FUT8: variants seen among roughly 807,000 people sequenced by gnomAD.
The protein encoded by FUT8 is alpha-(1,6)-fucosyltransferase.
A neutral mutation model predicts 71.3 loss-of-function variants in FUT8; 29 were observed. That is an observed-to-expected ratio of 0.41 (90% CI 0.30 to 0.55). The LOEUF (loss-of-function observed/expected upper bound fraction) is 0.55. Ranked by LOEUF, FUT8 falls within the 20% of genes least tolerant of loss-of-function variation. The probability of loss-of-function intolerance (pLI) is 0.34; values close to 1 mark genes in which losing one functional copy is unlikely to be tolerated. For synonymous variants in FUT8, 254 were observed against 239.3 expected, an observed-to-expected ratio of 1.06 and a Z score of -0.57; for missense variants, 544 against 702.1, an observed-to-expected ratio of 0.77 and a Z score of 2.55.
At chr14:65,457,159 C>T (rs1375449848) in intron 2 of FUT8, among the ~76,000 whole-genome samples, 1 of 152,140 alleles carries the variant, frequency 6.6e-6, no homozygotes, top group Non-Finnish European at 1.5e-5. Flanking sequence ...ACCCATTAGT[C>T]AACCTTTCTT....
In FUT8 at chr14:65,550,360, T is replaced by C. The variant is rs930711082; in HGVS notation, c.-227-10977T>C. 2.0e-5 allele frequency among the ~76,000 whole-genome samples: 3 copies of C among 152,212 alleles called. No homozygotes were observed. Among genetic ancestry groups the C allele is most frequent in the African/African-American group, 7.2e-5 (3 of 41,456 alleles). On this transcript the variant is annotated intron_variant, in intron 2 of 10. Coordinates refer to ENST00000673929, the MANE Select transcript of FUT8 (RefSeq NM_001371533.1). This position sits in a 1 kb window ranked among gnomAD's most constrained non-coding sequence, Gnocchi z 4.5. ...CTAATCTGAACATCATAGCTTAGCC[T>C]ACCTTAAATGTGCCCAGAACACTTA...
chr14:65,655,980 A>G (rs576571217), intron 6 of FUT8, among the ~76,000 whole-genome samples: 41 of 147,492 alleles, frequency 2.8e-4, no homozygotes, highest in Non-Finnish European at 4.2e-4. Context: ...AAAGCCATAT[A>G]CAACAGACCC....
At chr14:65,535,135 T>C (rs1211958517) in intron 2 of FUT8, among the ~76,000 whole-genome samples, 2 of 152,056 alleles carry the variant, frequency 1.3e-5, no homozygotes, top group Admixed American at 1.3e-4. Flanking sequence ...AGTCTCGCTC[T>C]GTTGCCCAGG....
intron 1 of FUT8, among the ~76,000 whole-genome samples, chr14:65,439,093 A>G (rs904021735): frequency 6.6e-6 from 1 of 152,188 alleles, no homozygotes; most frequent in Non-Finnish European, 1.5e-5. Context: ...TGTCTAGATC[A>G]CTAACAGACC....
chr14:65,371,910 G>GTATATA, the FUT8 span, among the ~76,000 whole-genome samples: 30 of 151,690 alleles, frequency 2.0e-4, no homozygotes, highest in Admixed American at 3.3e-4. Context: ...AGGAATGTAT[G>GTATATA]TATATATATA....
chr14:65,595,341 T>G (rs1454770040), intron 3 of FUT8, among the ~76,000 whole-genome samples: 2 of 152,202 alleles, frequency 1.3e-5, no homozygotes, highest in African/African-American at 4.8e-5. Context: ...TATTTGACTA[T>G]TTTAATATGA....
intron 6 of FUT8, among the ~76,000 whole-genome samples, chr14:65,639,521 C>G (rs1890729258): frequency 6.6e-6 from 1 of 151,852 alleles, no homozygotes; most frequent in African/African-American, 2.4e-5. Flanking sequence ...CACACACACA[C>G]ACACACACAC....
At chr14:65,425,228 C>T (rs555590696) in intron 1 of FUT8, among the ~76,000 whole-genome samples, 80 of 151,208 alleles carry the variant, frequency 5.3e-4, no homozygotes, top group African/African-American at 1.8e-3. Flanking sequence ...TGCAATGGCA[C>T]GAACTCGGCT....
the FUT8 span, among the ~76,000 whole-genome samples, chr14:65,388,483 C>T: frequency 3.3e-5 from 5 of 152,106 alleles, no homozygotes; most frequent in Non-Finnish European, 7.3e-5. Flanking sequence ...CAATATCGGC[C>T]GGGCATGGTG....
intron 3 of FUT8, among the ~76,000 whole-genome samples, chr14:65,576,306 C>G (rs1022416092): frequency 1.3e-5 from 2 of 152,138 alleles, no homozygotes; most frequent in Non-Finnish European, 2.9e-5. Flanking sequence ...AGCCACAAAA[C>G]CTACATAGTT....
At chr14:65,626,794 T>C (rs1889916083) in intron 5 of FUT8, among the ~76,000 whole-genome samples, 1 of 152,234 alleles carries the variant, frequency 6.6e-6, no homozygotes, top group Non-Finnish European at 1.5e-5. Flanking sequence ...GTAAGTGATT[T>C]CTAGATGTGT....
chr14:65,717,939 T>C (rs1023936690), intron 7 of FUT8, among the ~76,000 whole-genome samples: 2 of 152,244 alleles, frequency 1.3e-5, no homozygotes, highest in Admixed American at 6.5e-5. Context: ...CCCTTTATTT[T>C]TAGTCTGTGT....
intron 6 of FUT8, among the ~76,000 whole-genome samples, chr14:65,659,009 A>G (rs1438488879): frequency 1.3e-5 from 2 of 152,118 alleles, no homozygotes; most frequent in Admixed American, 6.5e-5. Flanking sequence ...GTACGCTGTA[A>G]GTATAGTAAC....
chr14:65,640,296 A>G (rs1190704103), intron 6 of FUT8, among the ~76,000 whole-genome samples: 1 of 152,062 alleles, frequency 6.6e-6, no homozygotes, highest in African/African-American at 2.4e-5. Context: ...GTGAAAAAGC[A>G]GATGGTAAAT....
At position 65,472,877 on chromosome 14, in the gene FUT8, G is replaced by A. The variant is rs1299190746; in HGVS notation, c.-228+17159G>A. On this transcript the variant is annotated intron_variant, in intron 2 of 10. Transcript: ENST00000673929. This position sits in a 1 kb window ranked among gnomAD's most constrained non-coding sequence, Gnocchi z 4.4. ...CTCAAATATCTTAGTAGAAATTGAA[G>A]TAGAAAAAGACATTGTTGTAAATTA... is the stretch of plus-strand genomic sequence containing the variant. 6.6e-6 allele frequency among the ~76,000 whole-genome samples: 1 copy of A among 152,088 alleles called. No individual in the cohort carries two copies. Among genetic ancestry groups the A allele is most frequent in the Non-Finnish European group, 1.5e-5 (1 of 68,012 alleles).
intron 6 of FUT8, among the ~76,000 whole-genome samples, chr14:65,637,063 G>A (rs28375638): frequency 0.01 from 1,581 of 152,150 alleles, 28 homozygotes; most frequent in African/African-American, 0.037. Context: ...ATATAATATT[G>A]GGTTGTATTA....
the FUT8 span, among the ~76,000 whole-genome samples, chr14:65,361,260 GCAAGAGCATTGCTTGAAC>G: frequency 2.0e-5 from 3 of 150,528 alleles, no homozygotes; most frequent in Admixed American, 6.6e-5. Flanking sequence ...GGAGTCTGAG[GCAAGAGCATTGCTTGAAC>G]CTGGGAGGCG....
At chr14:65,657,235 A>G (rs1483851466) in intron 6 of FUT8, among the ~76,000 whole-genome samples, 1 of 152,210 alleles carries the variant, frequency 6.6e-6, no homozygotes, top group Non-Finnish European at 1.5e-5. Flanking sequence ...CAGAATGTAA[A>G]TTAGTACAAC....
intron 1 of FUT8, among the ~76,000 whole-genome samples, chr14:65,422,155 G>C (rs1385550098): frequency 1.3e-5 from 2 of 152,082 alleles, no homozygotes; most frequent in African/African-American, 2.4e-5. Flanking sequence ...GAACTTACAG[G>C]CAAAATACTT....
Sources: gnomAD v4.1 joint callset for allele counts (sites outside exome capture counted in the v4.1 genomes callset) on GRCh38, gnomAD v4.1.1 for gene constraint, Gnocchi (gnomAD v3.1) non-coding constraint, MANE v1.5 for transcripts, NCBI Gene and HGNC (gene_info 2026-07-23, HGNC 2026-07-21) for gene names.